Variants in SULF2 observed in about 807,000 individuals in gnomAD.
SULF2 encodes the protein extracellular sulfatase Sulf-2.
Under a neutral mutation model 107.7 loss-of-function variants are expected in SULF2, and 52 were observed. The ratio of observed to expected loss-of-function variants is 0.48; its 90% CI spans 0.39 to 0.61. The LOEUF is 0.61. SULF2 is among the 20% of genes least tolerant of loss of function. The pLI is 0.00. For synonymous variants in SULF2, 460 were observed against 464.3 expected (o/e 0.99, Z 0.12); for missense variants, 993 against 1,177.3 (o/e 0.84, Z 2.29).
intron 1 of SULF2, among the ~76,000 whole-genome samples, chr20:47,764,593 C>G (rs2090488946): frequency 6.6e-6 from 1 of 152,182 alleles, no homozygotes; most frequent in Non-Finnish European, 1.5e-5. Context: ...GTCCTGGAGG[C>G]TGGAGGAGAC....
chr20:47,709,829 GAGAGATACA>G (rs141041094), intron 3 of SULF2, among the ~76,000 whole-genome samples: 299 of 151,924 alleles, frequency 2.0e-3, no homozygotes, highest in African/African-American at 7.1e-3. Context: ...AGAAGAGATA[GAGAGATACA>G]AGAGATAGAG....
At chr20:47,662,951 G>T (rs2087132307) in intron 17 of SULF2, 119 bp downstream of exon 17, 6 of 1,156,422 alleles carry the variant, frequency 5.2e-6, no homozygotes, top group Non-Finnish European at 7.4e-6. Context: ...ACTCCCACCG[G>T]CTCAGGGACT....
intron 5 of SULF2, among the ~76,000 whole-genome samples, chr20:47,687,387 C>T (rs75381217): frequency 0.23 from 34,470 of 152,028 alleles, 4,018 homozygotes; most frequent in South Asian, 0.24. Flanking sequence ...CTCCAGCATC[C>T]GAGGAATATC....
At chr20:47,698,496 G>A (rs112147088) in intron 4 of SULF2, among the ~76,000 whole-genome samples, 53 of 151,384 alleles carry the variant, frequency 3.5e-4, no homozygotes, top group African/African-American at 1.1e-3. Flanking sequence ...AAGGAAGGCC[G>A]CACTGCTACC....
In SULF2 at chr20:47,678,456, C is replaced by T; in HGVS notation, c.1193+220G>A. The T allele has an allele frequency of 3.3e-6, 2 of 608,082 alleles. No homozygotes were observed. The highest frequency in any genetic ancestry group is 1.8e-5 in the African/African-American group (1 of 54,708). The allele number at this position is 608,082 out of a possible 1,614,324, so 37.7% of individuals were successfully genotyped here. ...GGTAATTTTAGCTCAGAGAAGGTCC[C>T]CAACTGGTCACCTTGGCCACATTCC... On this transcript the variant is annotated intron_variant, in intron 8 of 20. Coordinates refer to ENST00000688720, the MANE Select transcript of SULF2 (RefSeq NM_001387048.1). This position sits in a 1 kb window ranked among gnomAD's most constrained non-coding sequence, Gnocchi z 4.5.
chr20:47,731,102 T>C (rs2089588747), intron 3 of SULF2, among the ~76,000 whole-genome samples: 1 of 151,720 alleles, frequency 6.6e-6, no homozygotes, highest in Non-Finnish European at 1.5e-5. Context: ...CCAGCCACCA[T>C]GTCCAGACCT....
chr20:47,723,720 T>C (rs771435293), intron 3 of SULF2, among the ~76,000 whole-genome samples: 1 of 152,210 alleles, frequency 6.6e-6, no homozygotes, highest in Admixed American at 6.5e-5. Context: ...GATCTGTCAC[T>C]GTCTCCCATT....
intron 1 of SULF2, among the ~76,000 whole-genome samples, chr20:47,760,318 G>A (rs1350353202): frequency 6.6e-6 from 1 of 152,172 alleles, no homozygotes; most frequent in Non-Finnish European, 1.5e-5. Flanking sequence ...CAGCATGGGA[G>A]GTGGTGGGAA....
intron 1 of SULF2, among the ~76,000 whole-genome samples, chr20:47,782,264 C>T (rs1379401938): frequency 6.6e-6 from 1 of 152,220 alleles, no homozygotes; most frequent in Non-Finnish European, 1.5e-5. Flanking sequence ...AGCGCTTCTT[C>T]CCCTTTAGGC....
chr20:47,746,656 A>T (rs1242135656), intron 2 of SULF2, among the ~76,000 whole-genome samples: 1 of 151,920 alleles, frequency 6.6e-6, no homozygotes, highest in African/African-American at 2.4e-5. Flanking sequence ...ACACTTGGGC[A>T]AAAGAAGGAT....
chr20:47,771,965 C>G (rs976196794), intron 1 of SULF2, among the ~76,000 whole-genome samples: 1 of 152,194 alleles, frequency 6.6e-6, no homozygotes, highest in Admixed American at 6.5e-5. Context: ...AGGGCAGGGG[C>G]TCCTGATTTG....
intron 1 of SULF2, among the ~76,000 whole-genome samples, chr20:47,779,692 C>T (rs1164128476): frequency 6.6e-6 from 1 of 152,204 alleles, no homozygotes; most frequent in Non-Finnish European, 1.5e-5. Flanking sequence ...CTGCAACCTC[C>T]ACCTCCTGGG....
intron 18 of SULF2, among the ~76,000 whole-genome samples, chr20:47,661,189 C>T (rs2146380344): frequency 6.6e-6 from 1 of 152,200 alleles, no homozygotes; most frequent in South Asian, 2.1e-4. Context: ...TTGGCTGCAC[C>T]CCCTGAGCTG....
At chr20:47,768,879 C>T (rs1237775065) in intron 1 of SULF2, among the ~76,000 whole-genome samples, 7 of 122,948 alleles carry the variant, frequency 5.7e-5, no homozygotes, top group African/African-American at 1.4e-4. Context: ...TGTTTGTGTG[C>T]GTGTTTTTTT....
chr20:47,691,000 T>C (rs2088180570), intron 4 of SULF2, among the ~76,000 whole-genome samples: 1 of 152,220 alleles, frequency 6.6e-6, no homozygotes, highest in Admixed American at 6.5e-5. Flanking sequence ...GTACGTATGA[T>C]GATAATCCTT....
chr20:47,674,485 G>T (rs190194853), intron 10 of SULF2, among the ~76,000 whole-genome samples: 1 of 152,338 alleles, frequency 6.6e-6, no homozygotes, highest in East Asian at 1.9e-4. Context: ...TTACACTCAC[G>T]TGTTGCCCGT....
chr20:47,767,376 G>A (rs933386421), intron 1 of SULF2, among the ~76,000 whole-genome samples: 3 of 152,164 alleles, frequency 2.0e-5, no homozygotes, highest in South Asian at 2.1e-4. Context: ...CGGGTGTGGC[G>A]GCTTACACCT....
At chr20:47,774,382 G>A (rs1296066138) in intron 1 of SULF2, among the ~76,000 whole-genome samples, 1 of 152,220 alleles carries the variant, frequency 6.6e-6, no homozygotes, top group Admixed American at 6.5e-5. Context: ...GGGTCTGGGA[G>A]GAGGGAGTGC....
In SULF2 at chr20:47,661,908, AAAG is replaced by A; in HGVS notation, c.2371-15_2371-13del. On this transcript the variant is annotated splice_polypyrimidine_tract_variant and intron_variant, in intron 17 of 20. Coordinates refer to ENST00000688720, the MANE Select transcript of SULF2 (RefSeq NM_001387048.1). The stretch of plus-strand genomic sequence containing the variant: ...ACTGCATTCATCAGCTGGTTGCAAA[AAAG>A]GTAGTCTGTCAACAAGGTAAGTACA... 6.5e-7 allele frequency: 1 copy of A among 1,538,926 alleles called. No homozygotes were observed. Among genetic ancestry groups the A allele is most frequent in the Non-Finnish European group, 8.9e-7 (1 of 1,129,788 alleles).
Sources: gnomAD v4.1 joint callset for allele counts (sites outside exome capture counted in the v4.1 genomes callset) on GRCh38, gnomAD v4.1.1 for gene constraint, Gnocchi (gnomAD v3.1) non-coding constraint, MANE v1.5 for transcripts, NCBI Gene and HGNC (gene_info 2026-07-23, HGNC 2026-07-21) for gene names.